The following INSYN2B variants were observed in gnomAD, a reference collection of about 807,000 sequenced individuals.
INSYN2B encodes the protein inhibitory synaptic factor family member 2B, also known as protein INSYN2B.
In INSYN2B, 16 loss-of-function variants were observed where a neutral mutation model predicts 41.2. The observed-to-expected ratio is 0.39, with a 90% CI of 0.26 to 0.59. The LOEUF is 0.59. Among genes scored for constraint, INSYN2B ranks in the 20% least tolerant of loss-of-function variants. INSYN2B has a pLI of 0.57. For missense variants in INSYN2B, 608 were observed against 646.4 expected (o/e 0.94, Z 0.64); for synonymous variants, 245 against 244.4 (o/e 1.00, Z -0.02).
chr5:169,885,830 T>C (rs572363483), intron 1 of INSYN2B, among the ~76,000 whole-genome samples: 1 of 152,266 alleles, frequency 6.6e-6, no homozygotes, highest in East Asian at 1.9e-4. Flanking sequence ...CCTAAACATA[T>C]CCTACTGCTT....
At chr5:169,958,426 G>A (rs1334305021) in intron 1 of INSYN2B, among the ~76,000 whole-genome samples, 1 of 152,130 alleles carries the variant, frequency 6.6e-6, no homozygotes, top group East Asian at 1.9e-4. Flanking sequence ...CCGAATAACA[G>A]GGCTGATGGT....
chr5:169,935,643 G>A (rs1467559665), intron 1 of INSYN2B, among the ~76,000 whole-genome samples: 2 of 152,306 alleles, frequency 1.3e-5, no homozygotes, highest in African/African-American at 2.4e-5. Flanking sequence ...TCATAGTGAG[G>A]TGGTGATGAA....
In INSYN2B at chr5:169,942,131, A is replaced by G. The variant is rs149708874; in HGVS notation, c.-919+38146T>C. Among the ~76,000 whole-genome samples the G allele has an allele frequency of 3.5e-3, 530 of 152,272 alleles. 5 individuals carry two copies. In the South Asian group the frequency reaches 0.043, roughly 12 times the overall value. ...CCTTTTCCAAGGTATCAGGAAGCAGATTCTCTCATTAAGATGTTGACACCT... is the reference window on the plus strand; with the variant it reads ...CCTTTTCCAAGGTATCAGGAAGCAGGTTCTCTCATTAAGATGTTGACACCT... On this transcript the variant is annotated intron_variant, in intron 1 of 3. Transcript: ENST00000377365.
intron 1 of INSYN2B, among the ~76,000 whole-genome samples, chr5:169,910,133 CTGGCCCAGA>C (rs1774513256): frequency 6.6e-6 from 1 of 152,152 alleles, no homozygotes; most frequent in South Asian, 2.1e-4. Flanking sequence ...CCATATGTTC[CTGGCCCAGA>C]TGGCTCTCTC....
intron 1 of INSYN2B, among the ~76,000 whole-genome samples, chr5:169,893,285 G>A (rs368960005): frequency 2.1e-4 from 32 of 152,282 alleles, no homozygotes; most frequent in African/African-American, 7.5e-4. Context: ...CCTCCAGCTT[G>A]CTTTCTCCAG....
intron 3 of INSYN2B, among the ~76,000 whole-genome samples, chr5:169,866,096 C>T (rs927351342): frequency 1.0e-4 from 14 of 140,356 alleles, no homozygotes; most frequent in East Asian, 2.0e-4. Flanking sequence ...GTCAGAGGGG[C>T]GAGGGGGCCT....
chr5:169,923,463 G>A (rs1039433971), intron 1 of INSYN2B, among the ~76,000 whole-genome samples: 14 of 148,672 alleles, frequency 9.4e-5, no homozygotes, highest in Non-Finnish European at 2.1e-4. Flanking sequence ...CAGCACATGC[G>A]TGCGTGTGCA....
rs56728646 is a variant in INSYN2B, at chr5:169,915,557, AACACACACACACACACAC to A, written c.-918-30759_-918-30742del. Among the ~76,000 whole-genome samples, 224 of 143,488 alleles carry A rather than the reference AACACACACACACACACAC, an allele frequency of 1.6e-3. 1 individual carries two copies. The highest frequency in any genetic ancestry group is 0.013 in the East Asian group (64 of 4,852). 94.1% of individuals were successfully genotyped at this position (143,488 alleles called of 152,430 possible). On this transcript the variant is annotated intron_variant, in intron 1 of 3. Transcript: ENST00000377365. The stretch of plus-strand genomic sequence containing the variant: ...GAAAATATTTGAGGAATTGACAGGG[AACACACACACACACACAC>A]ACACACACACACACACACACACACA...
intron 1 of INSYN2B, among the ~76,000 whole-genome samples, chr5:169,960,170 T>A (rs1007412028): frequency 5.9e-5 from 9 of 152,228 alleles, no homozygotes; most frequent in Non-Finnish European, 2.9e-5. Flanking sequence ...TAAGTACCCA[T>A]GATAAATTTC....
intron 1 of INSYN2B, among the ~76,000 whole-genome samples, chr5:169,938,315 T>A (rs1776083539): frequency 6.6e-6 from 1 of 151,948 alleles, no homozygotes; most frequent in Non-Finnish European, 1.5e-5. Context: ...GATGGGGATA[T>A]GTTAAGAGAA....
At chr5:169,952,252 T>A (rs1396648694) in intron 1 of INSYN2B, among the ~76,000 whole-genome samples, 3 of 152,212 alleles carry the variant, frequency 2.0e-5, no homozygotes, top group African/African-American at 7.2e-5. Flanking sequence ...ACCTGTTTTT[T>A]ATTCTATCAA....
intron 1 of INSYN2B, among the ~76,000 whole-genome samples, chr5:169,950,139 A>G (rs1342114817): frequency 9.2e-5 from 14 of 152,062 alleles, no homozygotes; most frequent in Non-Finnish European, 2.1e-4. Flanking sequence ...TTTCTGTTCT[A>G]CTATCATGAG....
At chr5:169,962,120 T>C (rs1429278592) in intron 1 of INSYN2B, among the ~76,000 whole-genome samples, 1 of 152,010 alleles carries the variant, frequency 6.6e-6, no homozygotes, top group Non-Finnish European at 1.5e-5. Flanking sequence ...CGCTTTATTG[T>C]GGCTAAGTAG....
chr5:169,889,838 C>T (rs6869401), intron 1 of INSYN2B, among the ~76,000 whole-genome samples: 4,105 of 152,314 alleles, frequency 0.027, 178 homozygotes, highest in South Asian at 0.11. Flanking sequence ...TGACAACCTC[C>T]GCTTTAGGCA....
intron 1 of INSYN2B, among the ~76,000 whole-genome samples, chr5:169,931,177 G>T (rs6862278): frequency 6.6e-6 from 1 of 152,108 alleles, no homozygotes; most frequent in Non-Finnish European, 1.5e-5. Flanking sequence ...AGTCATGAAA[G>T]TTACCTTCCT....
At chr5:169,976,872 C>T (rs1468367530) in intron 1 of INSYN2B, among the ~76,000 whole-genome samples, 1 of 152,234 alleles carries the variant, frequency 6.6e-6, no homozygotes, top group Admixed American at 6.5e-5. Context: ...GCATATGCAA[C>T]ATCCAAGTGG....
intron 1 of INSYN2B, among the ~76,000 whole-genome samples, chr5:169,928,682 G>A (rs143727981): frequency 6.6e-5 from 10 of 152,262 alleles, no homozygotes; most frequent in South Asian, 2.1e-4. Context: ...CTGTTGAAGC[G>A]TAAAGCATTA....
intron 1 of INSYN2B, among the ~76,000 whole-genome samples, chr5:169,901,592 A>G (rs1773929382): frequency 6.6e-6 from 1 of 152,320 alleles, no homozygotes; most frequent in African/African-American, 2.4e-5. Flanking sequence ...CAGGTAACAC[A>G]TGATGATGGC....
intron 1 of INSYN2B, among the ~76,000 whole-genome samples, chr5:169,971,059 G>A (rs1777486704): frequency 6.6e-6 from 1 of 152,074 alleles, no homozygotes; most frequent in Admixed American, 6.6e-5. Context: ...ACGGGGAGAG[G>A]GAGTCAGCAG....
Sources: gnomAD v4.1 joint callset for allele counts (sites outside exome capture counted in the v4.1 genomes callset) on GRCh38, gnomAD v4.1.1 for gene constraint, MANE v1.5 for transcripts, NCBI Gene and HGNC (gene_info 2026-07-23, HGNC 2026-07-21) for gene names.